The following PTCHD1 variants were observed in gnomAD, a reference collection of about 807,000 sequenced individuals.
The protein encoded by PTCHD1 is patched domain-containing protein 1.
In PTCHD1, 3 loss-of-function variants were observed where a neutral mutation model predicts 34.6. The observed-to-expected ratio is 0.09, with a 90% CI of 0.04 to 0.22. The LOEUF (loss-of-function observed/expected upper bound fraction) is 0.22. Ranked by LOEUF, PTCHD1 falls within the 10% of genes least tolerant of loss-of-function variation. PTCHD1 has a pLI of 1.00. For synonymous variants in PTCHD1, 305 were observed against 283.1 expected (o/e 1.08, Z -0.77); for missense variants, 504 against 685.5 (o/e 0.74, Z 2.96).
chrX:23,370,484 T>G (rs1400220398), intron 1 of PTCHD1, among the ~76,000 whole-genome samples: 3 of 112,255 alleles, frequency 2.7e-5, no homozygotes, highest in African/African-American at 6.5e-5. Context: ...TATGAGAACC[T>G]TGAGAACAGA....
rs1317513 is a variant in PTCHD1, at chrX:23,393,132, C to G, written c.1614C>G (p.Thr538=). Residue 538 remains threonine (T), a synonymous_variant, in exon 3 of 3, where the codon ACC becomes ACG. Transcript: ENST00000379361. The part of the protein sequence containing the change: ...LSNIVATATQ[T]IEYTTAQQKY... Reference sequence around the variant, plus strand: ...ACATTGTAGCAACCGCGACACAAACCATTGAGTACACTACTGCCCAGCAAA... The same window carrying G: ...ACATTGTAGCAACCGCGACACAAACGATTGAGTACACTACTGCCCAGCAAA... The G allele has an allele frequency of 3.0e-5, 36 of 1,209,912 alleles. No individual in the cohort carries two copies. In the African/African-American group the frequency reaches 5.9e-4, roughly 20 times the overall value.
At chrX:23,390,329 G>GAAA (rs754868031) in intron 2 of PTCHD1, among the ~76,000 whole-genome samples, 2 of 69,543 alleles carry the variant, frequency 2.9e-5, no homozygotes, top group Admixed American at 1.7e-4. Context: ...ATGGCCCCAG[G>GAAA]AAAAAAAAAA....
In PTCHD1 at chrX:23,377,913, G is replaced by A. The variant is rs902439414; in HGVS notation, c.352-1678G>A. Among the ~76,000 whole-genome samples, 12 of 111,836 alleles carry A rather than the reference G, an allele frequency of 1.1e-4. No individual in the cohort carries two copies. In the Admixed American group the frequency reaches 1.1e-3, roughly 11 times the overall value. Reference sequence around the variant, plus strand: ...GAAAATATATCAGGATCATGGAGAAGGTAATGAGTTGTAGTGGCACAGCTA... The same window carrying A: ...GAAAATATATCAGGATCATGGAGAAAGTAATGAGTTGTAGTGGCACAGCTA... On this transcript the variant is annotated intron_variant, in intron 1 of 2. Coordinates refer to ENST00000379361, the MANE Select transcript of PTCHD1 (RefSeq NM_173495.3).
At chrX:23,356,409 G>A (rs959768564) in intron 1 of PTCHD1, among the ~76,000 whole-genome samples, 1 of 111,965 alleles carries the variant, frequency 8.9e-6, no homozygotes, top group Non-Finnish European at 1.9e-5. Context: ...AGGAGGTTAC[G>A]CCTAAGCTAA....
At chrX:23,364,641 C>G (rs753769848) in intron 1 of PTCHD1, among the ~76,000 whole-genome samples, 33 of 112,390 alleles carry the variant, frequency 2.9e-4, no homozygotes, top group African/African-American at 8.7e-4. Flanking sequence ...TCAGCACATA[C>G]TCCCCAGGCA....
At chrX:23,375,868 T>C (rs919208292) in intron 1 of PTCHD1, among the ~76,000 whole-genome samples, 1 of 112,236 alleles carries the variant, frequency 8.9e-6, no homozygotes, top group African/African-American at 3.2e-5. Flanking sequence ...ATTCTTAACC[T>C]GAAGAATGAT....
chrX:23,342,291 TATATATATATATATATA>T (rs1399438446), intron 1 of PTCHD1, among the ~76,000 whole-genome samples: 5 of 6,446 alleles, frequency 7.8e-4, no homozygotes, highest in African/African-American at 3.1e-3. Context: ...TATATATATA[TATATATATATATATATA>T]TATTTTTTTT....
At chrX:23,358,120 C>G (rs1009018761) in intron 1 of PTCHD1, among the ~76,000 whole-genome samples, 1 of 111,624 alleles carries the variant, frequency 9.0e-6, no homozygotes, top group Non-Finnish European at 1.9e-5. Flanking sequence ...AATAAACATA[C>G]GGGTGCATGT....
intron 1 of PTCHD1, among the ~76,000 whole-genome samples, chrX:23,340,807 G>A (rs1921289249): frequency 8.9e-6 from 1 of 112,184 alleles, no homozygotes; most frequent in South Asian, 3.7e-4. Flanking sequence ...GTCTCTTCTG[G>A]TGAGTTATCC....
upstream of PTCHD1, chrX:23,334,640 A>T (rs1050199267): frequency 9.5e-6 from 1 of 105,152 alleles, no homozygotes; most frequent in Non-Finnish European, 2.0e-5. Context: ...GCTCTCCGGG[A>T]GGGCGCGGCC....
At chrX:23,354,650 G>A (rs2146619974) in intron 1 of PTCHD1, among the ~76,000 whole-genome samples, 1 of 102,338 alleles carries the variant, frequency 9.8e-6, no homozygotes, top group South Asian at 4.6e-4. Context: ...TCAGCTCACT[G>A]CAACCTCCGC....
Position 23,335,199 on chromosome X carries a change from C to A in PTCHD1, c.324C>A (p.Asp108Glu). ...VTSFQKANML[D>E]QHHTDLILKL... ...CCTTCCAGAAAGCCAACATGCTGGA[C>A]CAGCATCACACCGACCTGATCTTAA... The change falls in exon 1 of 3, where the codon GAC (aspartate) becomes GAA (glutamate). Residue 108 changes from aspartate to glutamate, a missense_variant. Asp to Glu is a conservative substitution (Grantham distance 45, BLOSUM62 2). Coordinates refer to ENST00000379361, the MANE Select transcript of PTCHD1 (RefSeq NM_173495.3). 1 of 1,210,199 alleles carries A rather than the reference C, an allele frequency of 8.3e-7. No individual in the cohort carries two copies. Among genetic ancestry groups the A allele is most frequent in the Non-Finnish European group, 1.1e-6 (1 of 893,587 alleles).
rs1923124019 is a variant in PTCHD1 at position 23,401,547 on chromosome X, G to A, written c.*7362G>A. ...CACATAAATGTACACATGCATATAT[G>A]TGTGTACAACACAACTATAAAACAT... On this transcript the variant is annotated 3_prime_UTR_variant, in exon 3 of 3. Transcript: ENST00000379361. 1 of 112,577 alleles carries A rather than the reference G, an allele frequency of 8.9e-6. No homozygotes were observed. Among genetic ancestry groups the A allele is most frequent in the South Asian group, 3.7e-4 (1 of 2,733 alleles). The allele number at this position is 112,577 out of a possible 1,213,427, so 9.3% of individuals were successfully genotyped here. A position where few individuals can be genotyped will look rare whatever the true frequency, so the allele number is the denominator to read the frequency against.
chrX:23,378,076 G>C (rs1487070698), intron 1 of PTCHD1, among the ~76,000 whole-genome samples: 1 of 111,860 alleles, frequency 8.9e-6, no homozygotes, highest in African/African-American at 3.3e-5. Context: ...AGATGTACTA[G>C]TTTACTTAAC....
At chrX:23,373,091 C>T (rs5926302) in intron 1 of PTCHD1, among the ~76,000 whole-genome samples, 13,759 of 112,242 alleles carry the variant, frequency 0.12, 833 homozygotes, top group Non-Finnish European at 0.19. Flanking sequence ...CAATGAGATA[C>T]TGCAATTGCA....
At chrX:23,377,018 T>C (rs1021800466) in intron 1 of PTCHD1, among the ~76,000 whole-genome samples, 20 of 112,098 alleles carry the variant, frequency 1.8e-4, no homozygotes, top group Non-Finnish European at 3.4e-4. Flanking sequence ...CCTGGGGTCA[T>C]AGCAGTAGAT....
Position 23,393,440 on chromosome X carries a change from A to G in PTCHD1, c.1922A>G (p.Asp641Gly), listed in dbSNP as rs1250881701. Residue 641 changes from aspartate to glycine, a missense_variant, in exon 3 of 3, where the codon GAT becomes GGT. Physicochemically the swap from Asp to Gly is moderately conservative, Grantham distance 94. Coordinates refer to ENST00000379361, the MANE Select transcript of PTCHD1 (RefSeq NM_173495.3). ...TCTAAAAAATACAATGATGAGGTCG[A>G]TGTAGTGGCCTCCAGAATGTTTTTG... is the stretch of plus-strand genomic sequence containing the variant. ...IFSKKYNDEV[D>G]VVASRMFLVA... 8 of 1,208,627 alleles carry G rather than the reference A, an allele frequency of 6.6e-6. No individual in the cohort carries two copies. The highest frequency in any genetic ancestry group is 7.8e-6 in the Non-Finnish European group (7 of 893,693).
At chrX:23,381,172 C>T (rs1274899639) in intron 2 of PTCHD1, among the ~76,000 whole-genome samples, 1 of 112,231 alleles carries the variant, frequency 8.9e-6, no homozygotes, top group Non-Finnish European at 1.9e-5. Context: ...TATTTTAAAG[C>T]GATGCTGATG....
At chrX:23,391,785 C>T (rs1922834848) in intron 2 of PTCHD1, among the ~76,000 whole-genome samples, 1 of 111,781 alleles carries the variant, frequency 8.9e-6, no homozygotes, top group Non-Finnish European at 1.9e-5. Flanking sequence ...AGCGTTCCAC[C>T]AACCAAACTG....
Sources: allele counts gnomAD v4.1 joint callset (sites outside exome capture counted in the v4.1 genomes callset), GRCh38; gene constraint gnomAD v4.1.1; transcripts MANE v1.5; gene names NCBI Gene and HGNC (gene_info 2026-07-23, HGNC 2026-07-21).